The following ARHGEF6 variants were observed in gnomAD, a reference collection of about 807,000 sequenced individuals.
The protein encoded by ARHGEF6 is Rac/Cdc42 guanine nucleotide exchange factor 6.
Under a neutral mutation model 70.3 loss-of-function variants are expected in ARHGEF6, and 9 were observed. The ratio of observed to expected loss-of-function variants is 0.13; its 90% CI spans 0.08 to 0.22. The LOEUF is 0.22. Ranked by LOEUF, ARHGEF6 falls within the 10% of genes least tolerant of loss-of-function variation. The pLI is 1.00. For synonymous variants in ARHGEF6, 201 were observed against 207.8 expected (o/e 0.97, Z 0.28); for missense variants, 470 against 563.0 (o/e 0.83, Z 1.67).
chrX:136,735,400 C>A (rs1354852985), intron 5 of ARHGEF6, among the ~76,000 whole-genome samples: 1 of 110,648 alleles, frequency 9.0e-6, no homozygotes, highest in Non-Finnish European at 1.9e-5. Context: ...TTCTTTGAAA[C>A]CCACACTCAG....
At chrX:136,752,976 C>T (rs1277665416) in intron 2 of ARHGEF6, among the ~76,000 whole-genome samples, 1 of 111,886 alleles carries the variant, frequency 8.9e-6, no homozygotes, top group African/African-American at 3.3e-5. Flanking sequence ...ATCTGAGCTG[C>T]TTAGTCATAT....
At chrX:136,684,243 C>T (rs2076361423) in intron 12 of ARHGEF6, among the ~76,000 whole-genome samples, 1 of 112,217 alleles carries the variant, frequency 8.9e-6, no homozygotes, top group African/African-American at 3.2e-5. Context: ...TCTTCTCTAC[C>T]TTCCTCTTTG....
intron 8 of ARHGEF6, among the ~76,000 whole-genome samples, chrX:136,707,402 A>T (rs2076637344): frequency 8.9e-6 from 1 of 112,482 alleles, no homozygotes; most frequent in African/African-American, 3.2e-5. Context: ...ACCACAAAAG[A>T]ATATTATGTA....
intron 2 of ARHGEF6, among the ~76,000 whole-genome samples, chrX:136,776,138 G>A (rs55958410): frequency 0.36 from 39,836 of 110,174 alleles, 6,253 homozygotes; most frequent in Non-Finnish European, 0.5. Context: ...CAAATTCAAC[G>A]CAATTCCCAT....
intron 2 of ARHGEF6, among the ~76,000 whole-genome samples, chrX:136,759,627 CAA>C (rs34641907): frequency 1.7e-4 from 9 of 54,472 alleles, no homozygotes; most frequent in Non-Finnish European, 1.9e-4. Context: ...AGGACTCTGT[CAA>C]AAAAAAAAAA....
intron 9 of ARHGEF6, among the ~76,000 whole-genome samples, chrX:136,705,094 C>A (rs754242824): frequency 2.0e-4 from 22 of 110,632 alleles, no homozygotes; most frequent in Middle Eastern, 9.2e-3. Context: ...CCAAGGTGGG[C>A]GGATCATTTG....
chrX:136,729,710 G>C (rs2076915194), intron 6 of ARHGEF6, among the ~76,000 whole-genome samples: 1 of 105,526 alleles, frequency 9.5e-6, no homozygotes, highest in Non-Finnish European at 1.9e-5. Context: ...CTCGCCTGTA[G>C]TCCCAGCTAC....
At chrX:136,699,428 T>C (rs2076543083) in intron 9 of ARHGEF6, among the ~76,000 whole-genome samples, 1 of 111,166 alleles carries the variant, frequency 9.0e-6, no homozygotes, top group Non-Finnish European at 1.9e-5. Flanking sequence ...TAAAATATAG[T>C]GAAAAAATCA....
chrX:136,780,102 C>T (rs900329763), intron 1 of ARHGEF6, among the ~76,000 whole-genome samples: 1 of 112,028 alleles, frequency 8.9e-6, no homozygotes, highest in Admixed American at 9.5e-5. Flanking sequence ...TATCTATTCT[C>T]GTGATCGTGG....
At chrX:136,695,383 T>G (rs2076499863) in intron 9 of ARHGEF6, among the ~76,000 whole-genome samples, 1 of 112,646 alleles carries the variant, frequency 8.9e-6, no homozygotes, top group Non-Finnish European at 1.9e-5. Context: ...GGCATTATAC[T>G]TCACCAAAAA....
At chrX:136,726,848 T>G (rs2076857891) in intron 6 of ARHGEF6, among the ~76,000 whole-genome samples, 1 of 113,020 alleles carries the variant, frequency 8.8e-6, no homozygotes, top group African/African-American at 3.2e-5. Context: ...AGGATTACTG[T>G]GAGTCTGGCC....
At chrX:136,693,065 TTTC>T (rs1244629840) in intron 9 of ARHGEF6, among the ~76,000 whole-genome samples, 1 of 112,391 alleles carries the variant, frequency 8.9e-6, no homozygotes, top group African/African-American at 3.2e-5. Context: ...ATTTTCCTAA[TTTC>T]TTTTCAATTT....
At chrX:136,675,123 T>C in intron 18 of ARHGEF6, 27 bp from the exon 19 acceptor site, 1 of 1,151,816 alleles carries the variant, frequency 8.7e-7, no homozygotes, top group Non-Finnish European at 1.2e-6. Flanking sequence ...ATCATGACTT[T>C]TCATAGATAT....
At chrX:136,745,481 C>T (rs772107380) in intron 3 of ARHGEF6, 134 bp from the exon 4 acceptor site, 1 of 851,570 alleles carries the variant, frequency 1.2e-6, no homozygotes, top group South Asian at 2.2e-5. Context: ...TATGAACATG[C>T]CAAGTGTATT....
intron 2 of ARHGEF6, among the ~76,000 whole-genome samples, chrX:136,775,662 T>C (rs1357931231): frequency 9.0e-6 from 1 of 111,442 alleles, no homozygotes; most frequent in African/African-American, 3.3e-5. Flanking sequence ...CCTTTCACCA[T>C]TTCTGTTCAA....
At chrX:136,708,438 T>C (rs972775899) in intron 8 of ARHGEF6, among the ~76,000 whole-genome samples, 24 of 110,281 alleles carry the variant, frequency 2.2e-4, no homozygotes, top group African/African-American at 7.3e-4. Context: ...AGCAAACTGA[T>C]GTATTTTTTA....
intron 2 of ARHGEF6, among the ~76,000 whole-genome samples, chrX:136,757,734 C>T (rs2077222133): frequency 8.9e-6 from 1 of 112,110 alleles, no homozygotes; most frequent in Non-Finnish European, 1.9e-5. Flanking sequence ...CCTAACCATA[C>T]ACTGCTAAAT....
rs769280158 is a variant in ARHGEF6, at chrX:136,713,389, A to G, written c.733-19T>C. The stretch of plus-strand genomic sequence containing the variant: ...GTAACACCTATGGAAAAAAAAGTCA[A>G]TGTATTATAATCATCACGATAGTCT... On this transcript the variant is annotated intron_variant, in intron 6 of 21. Coordinates refer to ENST00000250617, the MANE Select transcript of ARHGEF6 (RefSeq NM_004840.3). 6 of 1,106,629 alleles carry G rather than the reference A, an allele frequency of 5.4e-6. No homozygotes were observed. The highest frequency in any genetic ancestry group is 7.5e-6 in the Non-Finnish European group (6 of 803,147). The allele number at this position is 1,106,629 out of a possible 1,213,427, so 91.2% of individuals were successfully genotyped here.
intron 9 of ARHGEF6, among the ~76,000 whole-genome samples, chrX:136,691,102 G>A (rs1312727305): frequency 9.0e-6 from 1 of 111,311 alleles, no homozygotes. Flanking sequence ...ACATTCATGG[G>A]CGTGAGATAT....
Sources: allele counts gnomAD v4.1 joint callset (sites outside exome capture counted in the v4.1 genomes callset), GRCh38; gene constraint gnomAD v4.1.1; transcripts MANE v1.5; gene names NCBI Gene and HGNC (gene_info 2026-07-23, HGNC 2026-07-21).